Variants in NFE2L2 observed in about 807,000 individuals in gnomAD.
The protein encoded by NFE2L2 is nuclear factor erythroid 2-related factor 2.
NFE2L2 carries 20 observed loss-of-function variants against 49.6 expected under a neutral mutation model. The observed-to-expected ratio is 0.40, with a 90% confidence interval of 0.28 to 0.59. The LOEUF (loss-of-function observed/expected upper bound fraction) is 0.59. Among genes scored for constraint, NFE2L2 ranks in the 20% least tolerant of loss-of-function variants. The pLI is 0.40. For synonymous variants in NFE2L2, 244 were observed against 256.5 expected (o/e 0.95, Z 0.47); for missense variants, 578 against 714.2 (o/e 0.81, Z 2.17).
At position 177,264,631 on chromosome 2, in the gene NFE2L2, C is replaced by CGT; in HGVS notation, c.-56_-55insAC. 1 of 1,394,572 alleles carries CGT rather than the reference C, an allele frequency of 7.2e-7. No homozygotes were observed. The highest frequency in any genetic ancestry group is 9.4e-7 in the Non-Finnish European group (1 of 1,062,218). 86.4% of individuals were successfully genotyped at this position (1,394,572 alleles called of 1,614,324 possible). A position where few individuals can be genotyped will look rare whatever the true frequency, so the allele number is the denominator to read the frequency against. The stretch of plus-strand genomic sequence containing the variant: ...CCCGACGGCGGCCCTGTTCCGGCTG[C>CGT]CGAGGCGCGGCGCGGACAGGGCGGC... On this transcript the variant is annotated 5_prime_UTR_variant, in exon 1 of 5. Transcript: ENST00000397062.
At chr2:177,258,088 T>A (rs902234446) in intron 1 of NFE2L2, among the ~76,000 whole-genome samples, 2 of 152,200 alleles carry the variant, frequency 1.3e-5, no homozygotes, top group African/African-American at 4.8e-5. Flanking sequence ...GGCCTGGGCA[T>A]TAGTTTTTTA....
At chr2:177,232,999 T>C (rs1025368045) in intron 3 of NFE2L2, 2 of 513,106 alleles carry the variant, frequency 3.9e-6, no homozygotes, top group African/African-American at 4.0e-5. Context: ...ATGCTGTCCA[T>C]GTTTCTGGCT....
chr2:177,252,571 G>A (rs561695131), intron 1 of NFE2L2, among the ~76,000 whole-genome samples: 1 of 152,308 alleles, frequency 6.6e-6, no homozygotes, highest in South Asian at 2.1e-4. Flanking sequence ...CCACCTTGAG[G>A]AAGAAATGAA....
chr2:177,246,521 C>T (rs543649964), intron 1 of NFE2L2, among the ~76,000 whole-genome samples: 2 of 151,826 alleles, frequency 1.3e-5, no homozygotes, highest in Non-Finnish European at 2.9e-5. Flanking sequence ...CGCATATAAG[C>T]ATAGTATCCC....
intron 1 of NFE2L2, among the ~76,000 whole-genome samples, chr2:177,243,998 A>T (rs994828088): frequency 4.5e-5 from 6 of 133,498 alleles, no homozygotes; most frequent in Non-Finnish European, 6.3e-5. Context: ...ACTTAGCTTT[A>T]AAAAAAAAAA....
At position 177,230,647 on chromosome 2, in the gene NFE2L2, GTAT is replaced by G. The variant is rs1478127519; in HGVS notation, c.*135_*137del. On this transcript the variant is annotated 3_prime_UTR_variant, in exon 5 of 5. Transcript: ENST00000397062. ...ACACTCCAATGCTTTTTAAAGTTTC[GTAT>G]TATTTTCTATACTAGTTTTGGCTAT... 3.1e-6 allele frequency: 3 copies of G among 966,338 alleles called. No homozygotes were observed. Among genetic ancestry groups the G allele is most frequent in the East Asian group, 5.7e-5 (2 of 34,984 alleles). 59.9% of individuals were successfully genotyped at this position (966,338 alleles called of 1,614,324 possible).
chr2:177,250,756 G>A (rs767161512), intron 1 of NFE2L2, among the ~76,000 whole-genome samples: 8 of 152,218 alleles, frequency 5.3e-5, no homozygotes, highest in Non-Finnish European at 1.2e-4. Context: ...TGCACAGTGC[G>A]ATGTGCTTAG....
chr2:177,264,401 C>T lies in NFE2L2; in HGVS notation c.45+131G>A, dbSNP rs990311382. 6.3e-6 allele frequency: 6 copies of T among 948,304 alleles called. No homozygotes were observed. The African/African-American group carries it at 1.0e-4, about 17-fold the overall frequency. The allele number at this position is 948,304 out of a possible 1,614,324, so 58.7% of individuals were successfully genotyped here. A position where few individuals can be genotyped will look rare whatever the true frequency, so the allele number is the denominator to read the frequency against. On this transcript the variant is annotated intron_variant, in intron 1 of 4. Transcript: ENST00000397062. The stretch of plus-strand genomic sequence containing the variant: ...CCGGCGCAAGCGCGGCGGCTCTACC[C>T]AGCGCCGCGGTCCTGGCTCTGGCCA...
intron 1 of NFE2L2, among the ~76,000 whole-genome samples, chr2:177,251,693 T>C (rs1690344223): frequency 6.6e-6 from 1 of 152,104 alleles, no homozygotes; most frequent in African/African-American, 2.4e-5. Context: ...AAAAAGGGCG[T>C]GAGTGTTTAC....
At chr2:177,251,990 G>A in intron 1 of NFE2L2, among the ~76,000 whole-genome samples, 2 of 96,464 alleles carry the variant, frequency 2.1e-5, no homozygotes, top group African/African-American at 8.6e-5. Flanking sequence ...GACAGAGTGA[G>A]ACTCTGTCTC....
At position 177,232,535 on chromosome 2, in the gene NFE2L2, T is replaced by C. The variant is rs1394399353; in HGVS notation, c.451A>G (p.Ile151Val). The change falls in exon 4 of 5, where the codon ATC (isoleucine) becomes GTC (valine). Residue 151 changes from isoleucine to valine, a missense_variant. By Grantham distance (29) the Ile-to-Val change is conservative (BLOSUM62 3). Coordinates refer to ENST00000397062, the MANE Select transcript of NFE2L2 (RefSeq NM_006164.5). ...QSLVPDIPGH[I>V]ESPVFIATNQ... ...GTAGCAATGAAGACTGGGCTCTCGA[T>C]GTGACCGGGAATATCAGGAACAAGT... 3.7e-6 allele frequency: 6 copies of C among 1,614,106 alleles called. No individual in the cohort carries two copies. Among genetic ancestry groups the C allele is most frequent in the Non-Finnish European group, 5.1e-6 (6 of 1,179,992 alleles).
At chr2:177,237,719 A>G (rs1413674403) in intron 1 of NFE2L2, among the ~76,000 whole-genome samples, 1 of 152,108 alleles carries the variant, frequency 6.6e-6, no homozygotes, top group Non-Finnish European at 1.5e-5. Flanking sequence ...GGATTTCGCC[A>G]TGTTGGCCAG....
At chr2:177,254,178 G>A (rs560650581) in intron 1 of NFE2L2, among the ~76,000 whole-genome samples, 97 of 152,256 alleles carry the variant, frequency 6.4e-4, no homozygotes, top group Middle Eastern at 3.4e-3. Context: ...CTGTAGGTCC[G>A]AGAAATGGCC....
Position 177,233,276 on chromosome 2 carries a change from T to G in NFE2L2, c.376A>C (p.Thr126Pro). 6.2e-7 allele frequency: 1 copy of G among 1,601,000 alleles called. No homozygotes were observed. Among genetic ancestry groups the G allele is most frequent in the Non-Finnish European group, 8.5e-7 (1 of 1,176,552 alleles). Residue 126 changes from threonine (T) to proline (P), a missense_variant, in exon 3 of 5, where the codon ACA (threonine) becomes CCA (proline). This residue lies in a region of NFE2L2 where 93 missense variants were observed against 153.9 expected (regional missense o/e 0.60). Coordinates refer to ENST00000397062, the MANE Select transcript of NFE2L2 (RefSeq NM_006164.5). ...TCATTGTCATCTACAAACGGGAATG[T>G]CTGCGCCAAAAGCTGCATGCAGTCA... Reference protein sequence around the residue: ...FDDCMQLLAQTFPFVDDNEVS... With the variant: ...FDDCMQLLAQPFPFVDDNEVS...
At chr2:177,242,897 T>TTG (rs1417256889) in intron 1 of NFE2L2, among the ~76,000 whole-genome samples, 42 of 151,362 alleles carry the variant, frequency 2.8e-4, no homozygotes, top group African/African-American at 9.5e-4. Flanking sequence ...CAAGGAGGTT[T>TTG]TGTTTTTTTT....
chr2:177,236,051 CG>C (rs1558981986), intron 1 of NFE2L2, among the ~76,000 whole-genome samples: 1 of 152,174 alleles, frequency 6.6e-6, no homozygotes, highest in African/African-American at 2.4e-5. Flanking sequence ...GATGGGGGAA[CG>C]GGAGTTGGGA....
At chr2:177,247,834 G>A (rs1690188657) in intron 1 of NFE2L2, among the ~76,000 whole-genome samples, 1 of 152,170 alleles carries the variant, frequency 6.6e-6, no homozygotes, top group South Asian at 2.1e-4. Context: ...AGCACATTTT[G>A]TAGGGGCAAG....
intron 1 of NFE2L2, among the ~76,000 whole-genome samples, chr2:177,261,678 G>A (rs988342024): frequency 3.3e-5 from 5 of 152,134 alleles, no homozygotes; most frequent in Admixed American, 6.5e-5. Context: ...AATATTTCCC[G>A]TGAGGTTACT....
At chr2:177,252,000 C>CAAAA (rs3082509) in intron 1 of NFE2L2, among the ~76,000 whole-genome samples, 74 of 104,308 alleles carry the variant, frequency 7.1e-4, no homozygotes, top group Non-Finnish European at 7.0e-4. Context: ...GACTCTGTCT[C>CAAAA]AAAAAAAAAA....
Sources: gnomAD v4.1 joint callset for allele counts (sites outside exome capture counted in the v4.1 genomes callset) on GRCh38, gnomAD v4.1.1 for gene constraint, gnomAD v4.1.1 regional missense constraint, MANE v1.5 for transcripts, NCBI Gene and HGNC (gene_info 2026-07-23, HGNC 2026-07-21) for gene names.